Variants in HEMK2 observed in about 807,000 individuals in gnomAD.
HEMK2 encodes methyltransferase HEMK2.
the HEMK2 span, among the ~76,000 whole-genome samples, chr21:28,809,888 T>G: frequency 2.6e-5 from 4 of 152,178 alleles, no homozygotes; most frequent in East Asian, 7.7e-4. Context: ...CTTCAAGGAA[T>G]GAGTAGCAGT....
chr21:28,728,266 C>T, the HEMK2 span, among the ~76,000 whole-genome samples: 3 of 152,106 alleles, frequency 2.0e-5, no homozygotes, highest in Non-Finnish European at 2.9e-5. Context: ...AATAAAATTC[C>T]ATTTTAATAA....
the HEMK2 span, among the ~76,000 whole-genome samples, chr21:28,831,471 G>GAAAAGAAAAGA: frequency 1.8e-3 from 51 of 28,852 alleles, no homozygotes; most frequent in Non-Finnish European, 2.2e-3. Flanking sequence ...ACGAAAGAAA[G>GAAAAGAAAAGA]AAAGAAAGAA....
the HEMK2 span, among the ~76,000 whole-genome samples, chr21:28,746,076 A>G: frequency 3.0e-3 from 463 of 152,346 alleles, 1 homozygote; most frequent in African/African-American, 0.011. Context: ...TAACAGAATA[A>G]CAATAGCTAA....
At chr21:28,746,162 T>C in the HEMK2 span, among the ~76,000 whole-genome samples, 1 of 152,246 alleles carries the variant, frequency 6.6e-6, no homozygotes. Flanking sequence ...AACAAAACTA[T>C]ATGAATATAA....
At chr21:28,771,783 G>A in the HEMK2 span, among the ~76,000 whole-genome samples, 1 of 152,008 alleles carries the variant, frequency 6.6e-6, no homozygotes, top group Non-Finnish European at 1.5e-5. Flanking sequence ...ATAGCACCCT[G>A]CTTGGAACAA....
chr21:28,654,081 A>G, the HEMK2 span, among the ~76,000 whole-genome samples: 2 of 152,182 alleles, frequency 1.3e-5, no homozygotes, highest in Admixed American at 6.6e-5. Flanking sequence ...AAATGAGCAG[A>G]AAGTACAGCA....
the HEMK2 span, chr21:28,879,786 CTG>C: frequency 1.0e-6 from 1 of 988,620 alleles, no homozygotes; most frequent in Admixed American, 2.6e-5. Context: ...CAGCAGCTGA[CTG>C]ATGTCATAGG....
At chr21:28,663,604 G>A in the HEMK2 span, among the ~76,000 whole-genome samples, 1 of 152,178 alleles carries the variant, frequency 6.6e-6, no homozygotes, top group African/African-American at 2.4e-5. Context: ...AACATTAGGT[G>A]CCAACTTTAA....
the HEMK2 span, among the ~76,000 whole-genome samples, chr21:28,663,552 A>G: frequency 6.6e-6 from 1 of 152,244 alleles, no homozygotes; most frequent in Non-Finnish European, 1.5e-5. Flanking sequence ...ATGGACCTCA[A>G]CTATCCCATC....
chr21:28,760,351 T>C, the HEMK2 span, among the ~76,000 whole-genome samples: 33 of 152,306 alleles, frequency 2.2e-4, no homozygotes, highest in South Asian at 6.0e-3. Context: ...TAAATGGCTA[T>C]AGAGTAAAAT....
At chr21:28,622,530 T>C in the HEMK2 span, among the ~76,000 whole-genome samples, 2 of 152,190 alleles carry the variant, frequency 1.3e-5, no homozygotes, top group African/African-American at 4.8e-5. Context: ...AAGACAATCC[T>C]AAGCAAAAAG....
the HEMK2 span, among the ~76,000 whole-genome samples, chr21:28,726,856 G>A: frequency 7.3e-6 from 1 of 137,206 alleles, no homozygotes; most frequent in Non-Finnish European, 1.5e-5. Flanking sequence ...GGGCAACAGA[G>A]TAGGACCCTA....
chr21:28,732,998 G>A, the HEMK2 span, among the ~76,000 whole-genome samples: 2 of 152,158 alleles, frequency 1.3e-5, no homozygotes, highest in African/African-American at 4.8e-5. Flanking sequence ...CATTAAGAAT[G>A]ACCAGGCGTG....
chr21:28,795,244 A>G, the HEMK2 span, among the ~76,000 whole-genome samples: 6 of 152,118 alleles, frequency 3.9e-5, no homozygotes, highest in African/African-American at 4.8e-5. Context: ...ATGAAAAGTA[A>G]TATCAATTTT....
At chr21:28,880,240 A>G in the HEMK2 span, among the ~76,000 whole-genome samples, 71,921 of 152,140 alleles carry the variant, frequency 0.47, 19,867 homozygotes, top group Non-Finnish European at 0.62. Flanking sequence ...GAAATAAGAA[A>G]GCAAACTCTA....
chr21:28,725,826 T>C, the HEMK2 span, among the ~76,000 whole-genome samples: 1 of 152,246 alleles, frequency 6.6e-6, no homozygotes. Flanking sequence ...TAGCACATTA[T>C]TAGGTTGACA....
the HEMK2 span, among the ~76,000 whole-genome samples, chr21:28,789,003 G>A: frequency 2.0e-5 from 3 of 152,020 alleles, no homozygotes; most frequent in Non-Finnish European, 2.9e-5. Context: ...GGAGAGAGGC[G>A]GGAAACAGAT....
the HEMK2 span, among the ~76,000 whole-genome samples, chr21:28,774,015 C>T: frequency 6.6e-6 from 1 of 152,104 alleles, no homozygotes; most frequent in Non-Finnish European, 1.5e-5. Context: ...AATTCTTACA[C>T]CTGCAACACT....
At chr21:28,713,427 C>T in the HEMK2 span, among the ~76,000 whole-genome samples, 26 of 152,274 alleles carry the variant, frequency 1.7e-4, no homozygotes, top group Non-Finnish European at 2.6e-4. Flanking sequence ...CCACCTATTC[C>T]GCGTTGACTC....
Sources: gnomAD v4.1 joint callset for allele counts (sites outside exome capture counted in the v4.1 genomes callset) on GRCh38, gnomAD v4.1.1 for gene constraint, MANE v1.5 for transcripts, NCBI Gene and HGNC (gene_info 2026-07-23, HGNC 2026-07-21) for gene names.